KDM4B: variants seen among roughly 807,000 people sequenced by gnomAD.
KDM4B encodes the protein lysine-specific demethylase 4B.
KDM4B carries 32 observed loss-of-function variants against 125.2 expected under a neutral mutation model. That is an observed-to-expected ratio of 0.26 (90% CI 0.19 to 0.34). KDM4B has a LOEUF of 0.34. KDM4B is among the 10% of genes least tolerant of loss of function. The pLI is 1.00. For synonymous variants in KDM4B, 721 were observed against 677.9 expected (o/e 1.06, Z -0.99); for missense variants, 1,190 against 1,577.7 (o/e 0.75, Z 4.16).
chr19:5,063,536 TG>T (rs1456470983), intron 6 of KDM4B, among the ~76,000 whole-genome samples: 1 of 152,240 alleles, frequency 6.6e-6, no homozygotes, highest in African/African-American at 2.4e-5. Flanking sequence ...ATCTGTGACC[TG>T]GTCTCTTCAG....
intron 5 of KDM4B, among the ~76,000 whole-genome samples, chr19:5,042,383 C>T (rs1202435092): frequency 6.6e-6 from 1 of 151,984 alleles, no homozygotes; most frequent in Non-Finnish European, 1.5e-5. Context: ...GCCTGTAATC[C>T]CGGCTACTCG....
At chr19:5,120,597 G>T (rs939776524) in intron 11 of KDM4B, among the ~76,000 whole-genome samples, 2 of 152,214 alleles carry the variant, frequency 1.3e-5, no homozygotes, top group African/African-American at 2.4e-5. Flanking sequence ...TTCCCCAGGG[G>T]GAGGTTTTGG....
At chr19:5,089,706 A>G (rs2038626740) in intron 9 of KDM4B, among the ~76,000 whole-genome samples, 1 of 151,838 alleles carries the variant, frequency 6.6e-6, no homozygotes, top group Admixed American at 6.6e-5. Flanking sequence ...GTACTAAAAA[A>G]AAAAAAACCC....
chr19:5,137,539 A>T, intron 16 of KDM4B, 82 bp from the exon 17 acceptor site: 4 of 1,407,204 alleles, frequency 2.8e-6, no homozygotes, highest in Non-Finnish European at 2.9e-6. Context: ...TGGGCTGGGG[A>T]CGGTTGGCAG....
chr19:5,107,404 G>A (rs1274936344), intron 9 of KDM4B, among the ~76,000 whole-genome samples: 2 of 152,232 alleles, frequency 1.3e-5, no homozygotes, highest in African/African-American at 4.8e-5. Context: ...ATTGGAGCGG[G>A]CGGGGCCTGT....
chr19:5,047,383 C>T (rs2037059359), intron 5 of KDM4B, 93 bp from the exon 6 acceptor site: 11 of 1,251,168 alleles, frequency 8.8e-6, no homozygotes, highest in Non-Finnish European at 1.2e-5. Context: ...GGCAGCGACC[C>T]CTGGGACTCT....
At chr19:4,973,510 A>C (rs2034332513) in intron 1 of KDM4B, among the ~76,000 whole-genome samples, 1 of 152,156 alleles carries the variant, frequency 6.6e-6, no homozygotes, top group Non-Finnish European at 1.5e-5. Context: ...ACTTTTACTA[A>C]TTCGCGTTCA....
chr19:5,090,637 G>T (rs1348110050), intron 9 of KDM4B, among the ~76,000 whole-genome samples: 1 of 101,686 alleles, frequency 9.8e-6, no homozygotes, highest in East Asian at 2.7e-4. Flanking sequence ...GCGCGCGTGC[G>T]CCCCCCTCCG....
At chr19:4,996,667 A>G (rs2035211399) in intron 1 of KDM4B, among the ~76,000 whole-genome samples, 1 of 151,658 alleles carries the variant, frequency 6.6e-6, no homozygotes, top group Admixed American at 6.6e-5. Flanking sequence ...TCATTGTGGG[A>G]CAGTCATTGT....
At chr19:5,126,814 C>T (rs139036923) in intron 11 of KDM4B, among the ~76,000 whole-genome samples, 1 of 152,348 alleles carries the variant, frequency 6.6e-6, no homozygotes, top group East Asian at 1.9e-4. Context: ...GCCCCTGAGA[C>T]CGGGGCTGGT....
At chr19:5,047,178 C>G (rs1433471402) in intron 5 of KDM4B, 3 of 337,690 alleles carry the variant, frequency 8.9e-6, no homozygotes, top group African/African-American at 2.1e-5. Flanking sequence ...ACGCCTATAG[C>G]CTATAGTCCC....
At chr19:5,109,254 C>T (rs565350428) in intron 9 of KDM4B, among the ~76,000 whole-genome samples, 1 of 152,180 alleles carries the variant, frequency 6.6e-6, no homozygotes, top group East Asian at 1.9e-4. Context: ...CCAGTAGGTA[C>T]GTGACAGACC....
intron 6 of KDM4B, among the ~76,000 whole-genome samples, chr19:5,052,785 G>A (rs1399745906): frequency 6.6e-6 from 1 of 152,248 alleles, no homozygotes; most frequent in African/African-American, 2.4e-5. Flanking sequence ...GAAGGCCCAT[G>A]GGGTAGCGCG....
intron 1 of KDM4B, among the ~76,000 whole-genome samples, chr19:4,976,439 C>T (rs775580268): frequency 6.6e-6 from 1 of 152,150 alleles, no homozygotes; most frequent in Non-Finnish European, 1.5e-5. Flanking sequence ...CTGGGATTCA[C>T]GCGGCTGCCT....
intron 12 of KDM4B, 105 bp downstream of exon 12, chr19:5,131,650 G>GGGT: frequency 1.7e-6 from 1 of 582,444 alleles, no homozygotes; most frequent in Non-Finnish European, 3.0e-6. Flanking sequence ...GGAGGGGGCA[G>GGGT]GGAGGAGGGG....
At chr19:5,022,013 T>C (rs570330083) in intron 2 of KDM4B, among the ~76,000 whole-genome samples, 30 of 152,266 alleles carry the variant, frequency 2.0e-4, no homozygotes, top group African/African-American at 6.7e-4. Context: ...GCAGGGGCAA[T>C]GTGTGATCGT....
At chr19:5,149,936 C>T (rs2039916787) in intron 21 of KDM4B, among the ~76,000 whole-genome samples, 1 of 152,224 alleles carries the variant, frequency 6.6e-6, no homozygotes, top group African/African-American at 2.4e-5. Context: ...GTCCGCCTGT[C>T]CGGCCTCCCC....
At chr19:5,087,640 C>A (rs1315364940) in intron 9 of KDM4B, among the ~76,000 whole-genome samples, 1 of 152,234 alleles carries the variant, frequency 6.6e-6, no homozygotes, top group East Asian at 1.9e-4. Context: ...GGTTTCCCAG[C>A]ATCTCCCCTC....
intron 6 of KDM4B, among the ~76,000 whole-genome samples, chr19:5,067,380 G>A (rs997749233): frequency 3.9e-5 from 6 of 152,160 alleles, no homozygotes; most frequent in East Asian, 1.9e-4. Flanking sequence ...GCGCTGGGCC[G>A]CAGACCCTCC....
Sources: allele counts gnomAD v4.1 joint callset (sites outside exome capture counted in the v4.1 genomes callset), GRCh38; gene constraint gnomAD v4.1.1; transcripts MANE v1.5; gene names NCBI Gene and HGNC (gene_info 2026-07-23, HGNC 2026-07-21).